The following IFT52 variants were observed in gnomAD, a reference collection of about 807,000 sequenced individuals.
IFT52 encodes the protein intraflagellar transport protein 52 homolog.
Under a neutral mutation model 54.4 loss-of-function variants are expected in IFT52, and 44 were observed. The observed-to-expected ratio is 0.81, with a 90% CI of 0.63 to 1.04. The LOEUF (loss-of-function observed/expected upper bound fraction) is 1.04. Ranked by LOEUF, IFT52 falls within the 50% of genes least tolerant of loss-of-function variation. The pLI is 0.00. For missense variants in IFT52, 452 were observed against 523.6 expected (o/e 0.86, Z 1.33); for synonymous variants, 181 against 185.3 (o/e 0.98, Z 0.19).
chr20:43,603,466 G>A (rs1320543655), intron 3 of IFT52, among the ~76,000 whole-genome samples: 2 of 152,154 alleles, frequency 1.3e-5, no homozygotes, highest in Non-Finnish European at 2.9e-5. Context: ...GAGACCAGGG[G>A]TGCTGCTGAA....
At chr20:43,619,058 A>G in intron 8 of IFT52, 32 bp downstream of exon 8, 2 of 1,389,942 alleles carry the variant, frequency 1.4e-6, no homozygotes, top group Non-Finnish European at 2.0e-6. Flanking sequence ...ATTAATATAC[A>G]ATGTGTATTA....
Position 43,603,903 on chromosome 20 carries a change from T to G in IFT52, c.337+14T>G, listed in dbSNP as rs766625324. The stretch of plus-strand genomic sequence containing the variant: ...TGGTTAATAATGGTAATTAGTATTA[T>G]TATTTTCAGTAGAGGCAGTACTTTT... On this transcript the variant is annotated intron_variant, in intron 4 of 13. Coordinates refer to ENST00000373030, the MANE Select transcript of IFT52 (RefSeq NM_016004.5). 2.9e-6 allele frequency: 4 copies of G among 1,400,520 alleles called. No homozygotes were observed. Among genetic ancestry groups the G allele is most frequent in the Non-Finnish European group, 4.0e-6 (4 of 995,224 alleles). The allele number at this position is 1,400,520 out of a possible 1,614,324, so 86.8% of individuals were successfully genotyped here.
intron 3 of IFT52, among the ~76,000 whole-genome samples, chr20:43,596,802 C>T (rs530233053): frequency 2.5e-4 from 34 of 137,080 alleles, no homozygotes; most frequent in African/African-American, 8.1e-4. Context: ...AGTGCAGTGG[C>T]GCAATCTCGG....
chr20:43,609,346 G>T (rs988786203), intron 6 of IFT52, among the ~76,000 whole-genome samples: 2 of 152,188 alleles, frequency 1.3e-5, no homozygotes, highest in Non-Finnish European at 2.9e-5. Context: ...GATTATTTGT[G>T]TATAGTAAAA....
rs371420432 is a variant in IFT52 at position 43,630,232 on chromosome 20, C to T, written c.924-5694C>T. Among the ~76,000 whole-genome samples the T allele has an allele frequency of 9.1e-4, 139 of 152,288 alleles. 1 individual carries two copies. In the South Asian group the frequency reaches 0.022, roughly 24 times the overall value. The stretch of plus-strand genomic sequence containing the variant: ...TAAAAAAAGATACATCTGACCACTC[C>T]GCTAGCCAGTTGCAGTCTGACCAGC... On this transcript the variant is annotated intron_variant, in intron 10 of 13. Coordinates refer to ENST00000373030, the MANE Select transcript of IFT52 (RefSeq NM_016004.5).
At chr20:43,610,175 C>T (rs1261187082) in intron 6 of IFT52, among the ~76,000 whole-genome samples, 1 of 150,238 alleles carries the variant, frequency 6.7e-6, no homozygotes, top group Non-Finnish European at 1.5e-5. Context: ...GCCTGTAATC[C>T]CAGTTACTCG....
intron 8 of IFT52, 140 bp from the exon 9 acceptor site, chr20:43,620,717 C>A: frequency 1.6e-6 from 1 of 623,762 alleles, no homozygotes. Flanking sequence ...TGCATCAAGA[C>A]AAGGCTGGCT....
At chr20:43,640,242 G>A (rs1264055469) in intron 12 of IFT52, among the ~76,000 whole-genome samples, 1 of 151,758 alleles carries the variant, frequency 6.6e-6, no homozygotes, top group African/African-American at 2.4e-5. Context: ...GGATCACAAG[G>A]TCAGGAGTTT....
At position 43,602,113 on chromosome 20, in the gene IFT52, C is replaced by T. The variant is rs75986937; in HGVS notation, c.208-1647C>T. 8.9e-3 allele frequency among the ~76,000 whole-genome samples: 1,333 copies of T among 150,278 alleles called. 19 individuals carry two copies. The highest frequency in any genetic ancestry group is 0.03 in the African/African-American group (1,242 of 41,024). On this transcript the variant is annotated intron_variant, in intron 3 of 13. Transcript: ENST00000373030. ...AAAAGAGGCATTGGATTATTGGGTC[C>T]AGAGGAAATGGACTTTGAGCTGATT...
At chr20:43,607,675 G>A (rs911159502) in intron 6 of IFT52, among the ~76,000 whole-genome samples, 1 of 149,108 alleles carries the variant, frequency 6.7e-6, no homozygotes, top group Admixed American at 6.7e-5. Context: ...GGGCAGCCAG[G>A]CAGAGGGGCT....
rs1215385348 is a variant in IFT52 at position 43,603,865 on chromosome 20, G to A, written c.313G>A (p.Glu105Lys). ...CACCAATATTAACTTTTTACTAGAA[G>A]AATATGGAATCATGGTTAATAATGG... is the stretch of plus-strand genomic sequence containing the variant. ...FDTNINFLLE[E>K]YGIMVNNDAV... Residue 105 changes from glutamate (E) to lysine (K), a missense_variant, in exon 4 of 14, where the codon GAA (glutamate) becomes AAA (lysine). Transcript: ENST00000373030. The A allele has an allele frequency of 6.7e-7, 1 of 1,492,988 alleles. No homozygotes were observed. The highest frequency in any genetic ancestry group is 9.3e-7 in the Non-Finnish European group (1 of 1,075,250). The allele number at this position is 1,492,988 out of a possible 1,614,324, so 92.5% of individuals were successfully genotyped here. A position where few individuals can be genotyped will look rare whatever the true frequency, so the allele number is the denominator to read the frequency against.
At chr20:43,627,596 A>G (rs79707730) in intron 10 of IFT52, among the ~76,000 whole-genome samples, 4 of 152,240 alleles carry the variant, frequency 2.6e-5, no homozygotes, top group Non-Finnish European at 4.4e-5. Flanking sequence ...GGAAGAAGTC[A>G]CAGGATATTT....
chr20:43,644,690 G>T (rs1366682117), intron 13 of IFT52, among the ~76,000 whole-genome samples: 1 of 57,714 alleles, frequency 1.7e-5, no homozygotes, highest in Non-Finnish European at 4.1e-5. Context: ...TGAGGCAGGA[G>T]AATTGCTTGA....
intron 9 of IFT52, among the ~76,000 whole-genome samples, chr20:43,621,982 G>A (rs1984334887): frequency 1.3e-5 from 2 of 152,232 alleles, no homozygotes; most frequent in Admixed American, 1.3e-4. Flanking sequence ...CAAGATTGCA[G>A]TGTGTTCAAA....
chr20:43,637,309 C>T (rs1194018778), intron 12 of IFT52, 56 bp downstream of exon 12: 5 of 1,017,226 alleles, frequency 4.9e-6, no homozygotes, highest in Non-Finnish European at 7.2e-6. Flanking sequence ...GTTGCCCAGG[C>T]TGGAGTGCAA....
chr20:43,602,142 AT>A (rs869201580), intron 3 of IFT52, among the ~76,000 whole-genome samples: 4,678 of 21,306 alleles, frequency 0.22, 194 homozygotes, highest in African/African-American at 0.29. Context: ...GCTGATTTTT[AT>A]TTTATTTATT....
intron 3 of IFT52, among the ~76,000 whole-genome samples, chr20:43,597,899 A>G (rs2145586877): frequency 6.6e-6 from 1 of 150,694 alleles, no homozygotes; most frequent in East Asian, 1.9e-4. Context: ...TCAAAAAAAA[A>G]AAAAAAAAAA....
chr20:43,604,991 T>C lies in IFT52; in HGVS notation c.414-11T>C. On this transcript the variant is annotated splice_polypyrimidine_tract_variant and intron_variant, in intron 5 of 13. Coordinates refer to ENST00000373030, the MANE Select transcript of IFT52 (RefSeq NM_016004.5). ...TTTTTGTTTACTAGATTTTAATTTT[T>C]CTTCTTCAAGGGAAATTAGCCGAGC... The C allele has an allele frequency of 6.2e-7, 1 of 1,612,938 alleles. No homozygotes were observed. The highest frequency in any genetic ancestry group is 8.5e-7 in the Non-Finnish European group (1 of 1,179,274).
chr20:43,636,090 G>A (rs1303387534), intron 11 of IFT52, 77 bp downstream of exon 11: 6 of 1,355,832 alleles, frequency 4.4e-6, no homozygotes, highest in Non-Finnish European at 6.3e-6. Flanking sequence ...ATTCGCTGTG[G>A]TCCCTTCCAT....
Sources: gnomAD v4.1 joint callset for allele counts (sites outside exome capture counted in the v4.1 genomes callset) on GRCh38, gnomAD v4.1.1 for gene constraint, MANE v1.5 for transcripts, NCBI Gene and HGNC (gene_info 2026-07-23, HGNC 2026-07-21) for gene names.